Variants in CEP112 observed in about 807,000 individuals in gnomAD.
The protein encoded by CEP112 is centrosomal protein 112.
CEP112 carries 127 observed loss-of-function variants against 153.0 expected under a neutral mutation model. The observed-to-expected ratio is 0.83, with a 90% CI of 0.72 to 0.96. The LOEUF (loss-of-function observed/expected upper bound fraction) is 0.96. Among genes scored for constraint, CEP112 ranks in the 40% least tolerant of loss-of-function variants. The pLI is 0.00. For missense variants in CEP112, 1,089 were observed against 1,101.2 expected, an observed-to-expected ratio of 0.99 and a Z score of 0.16; for synonymous variants, 358 against 374.4, an observed-to-expected ratio of 0.96 and a Z score of 0.51.
chr17:65,842,558 A>G (rs1388691664), intron 21 of CEP112, among the ~76,000 whole-genome samples: 1 of 152,188 alleles, frequency 6.6e-6, no homozygotes, highest in Non-Finnish European at 1.5e-5. Flanking sequence ...AGTCCCTCTC[A>G]GGTAAGGATG....
chr17:65,906,920 A>G (rs1399983296), intron 19 of CEP112, among the ~76,000 whole-genome samples: 1 of 152,246 alleles, frequency 6.6e-6, no homozygotes, highest in Non-Finnish European at 1.5e-5. Context: ...AAAATTATAA[A>G]CTTAAATCAA....
intron 10 of CEP112, 45 bp from the exon 11 acceptor site, chr17:66,063,126 TAG>T (rs762935884): frequency 6.6e-6 from 6 of 914,610 alleles, no homozygotes; most frequent in African/African-American, 1.7e-5. Flanking sequence ...TCTAGGTACA[TAG>T]AGTTTGATGA....
intron 10 of CEP112, among the ~76,000 whole-genome samples, chr17:66,065,375 T>C (rs1289732680): frequency 6.6e-6 from 1 of 152,214 alleles, no homozygotes; most frequent in Non-Finnish European, 1.5e-5. Flanking sequence ...CTATGTTTTC[T>C]AATAAGTAGA....
At chr17:65,751,055 G>A in intron 21 of CEP112, 1 of 220,622 alleles carries the variant, frequency 4.5e-6, no homozygotes, top group Non-Finnish European at 8.8e-6. Flanking sequence ...AACAAGAGGG[G>A]CAAGGAAAAG....
At chr17:66,164,550 C>CT (rs1158800100) in intron 4 of CEP112, among the ~76,000 whole-genome samples, 22 of 81,570 alleles carry the variant, frequency 2.7e-4, no homozygotes, top group African/African-American at 1.1e-3. Context: ...GTGCGAAACT[C>CT]TATCTCAAAA....
At chr17:66,040,728 G>A (rs1009042674) in intron 12 of CEP112, among the ~76,000 whole-genome samples, 3 of 152,116 alleles carry the variant, frequency 2.0e-5, no homozygotes, top group African/African-American at 7.2e-5. Context: ...GGTCTCAGGT[G>A]ATCTGCCTCC....
chr17:65,768,315 T>A (rs927013548), intron 21 of CEP112, among the ~76,000 whole-genome samples: 2 of 152,036 alleles, frequency 1.3e-5, no homozygotes, highest in African/African-American at 4.8e-5. Flanking sequence ...ATCCGTGACA[T>A]CTTGATGTTG....
intron 3 of CEP112, among the ~76,000 whole-genome samples, chr17:66,175,532 T>G (rs1412260067): frequency 6.6e-6 from 1 of 152,228 alleles, no homozygotes; most frequent in African/African-American, 2.4e-5. Flanking sequence ...ACAAAGTTTT[T>G]AATTATGTGC....
chr17:65,951,149 G>A (rs2061815800), intron 18 of CEP112, among the ~76,000 whole-genome samples: 1 of 152,124 alleles, frequency 6.6e-6, no homozygotes, highest in Admixed American at 6.6e-5. Flanking sequence ...AAAATCTCAT[G>A]AAGGGCTTTT....
At chr17:66,040,691 A>G (rs1369600699) in intron 12 of CEP112, among the ~76,000 whole-genome samples, 2 of 109,244 alleles carry the variant, frequency 1.8e-5, no homozygotes, top group South Asian at 2.3e-4. Context: ...GGGTTTTGCC[A>G]TGTTGGCCAG....
intron 18 of CEP112, among the ~76,000 whole-genome samples, chr17:65,955,770 T>C (rs960040557): frequency 3.3e-5 from 5 of 152,136 alleles, no homozygotes; most frequent in Non-Finnish European, 5.9e-5. Context: ...CATTATATAA[T>C]GGTAAAAGGA....
chr17:66,183,534 T>A (rs142586933), intron 1 of CEP112, among the ~76,000 whole-genome samples: 1 of 151,936 alleles, frequency 6.6e-6, no homozygotes, highest in Non-Finnish European at 1.5e-5. Flanking sequence ...CCAAACAATT[T>A]TGAGAAAGTA....
At chr17:66,190,107 G>A (rs957562016) in intron 1 of CEP112, among the ~76,000 whole-genome samples, 1 of 151,780 alleles carries the variant, frequency 6.6e-6, no homozygotes, top group African/African-American at 2.4e-5. Context: ...AGGCGGGAGG[G>A]TCACCTGAGG....
intron 20 of CEP112, among the ~76,000 whole-genome samples, chr17:65,866,498 G>A (rs1286198153): frequency 6.6e-6 from 1 of 152,248 alleles, no homozygotes; most frequent in Admixed American, 6.5e-5. Context: ...TCAAGCCAGG[G>A]AGGGACTGAA....
At chr17:66,148,364 T>A (rs1426804850) in intron 4 of CEP112, among the ~76,000 whole-genome samples, 1 of 152,166 alleles carries the variant, frequency 6.6e-6, no homozygotes, top group African/African-American at 2.4e-5. Flanking sequence ...CCTAACCATA[T>A]CAGATGCATT....
At chr17:65,836,771 A>T (rs2057319587) in intron 21 of CEP112, among the ~76,000 whole-genome samples, 1 of 152,062 alleles carries the variant, frequency 6.6e-6, no homozygotes, top group African/African-American at 2.4e-5. Context: ...TGTCCTCTAG[A>T]CCAAATAGAC....
At chr17:65,819,927 TA>T (rs2056446344) in intron 21 of CEP112, among the ~76,000 whole-genome samples, 1 of 152,048 alleles carries the variant, frequency 6.6e-6, no homozygotes, top group Non-Finnish European at 1.5e-5. Flanking sequence ...CTAGTGAAAT[TA>T]AAATAAGATT....
At chr17:65,882,530 A>G (rs1386131419) in intron 20 of CEP112, among the ~76,000 whole-genome samples, 1 of 152,252 alleles carries the variant, frequency 6.6e-6, no homozygotes, top group Non-Finnish European at 1.5e-5. Context: ...CAAAGCCCAG[A>G]TCTAAAGCAA....
intron 23 of CEP112, among the ~76,000 whole-genome samples, chr17:65,733,801 T>G (rs78617053): frequency 0.016 from 2,366 of 152,324 alleles, 53 homozygotes; most frequent in African/African-American, 0.052. Context: ...CACTAAAGCT[T>G]GCTCTCAAAA....
Sources: gnomAD v4.1 joint callset for allele counts (sites outside exome capture counted in the v4.1 genomes callset) on GRCh38, gnomAD v4.1.1 for gene constraint, MANE v1.5 for transcripts, NCBI Gene and HGNC (gene_info 2026-07-23, HGNC 2026-07-21) for gene names.